Variants in SGMS1 observed in about 807,000 individuals in gnomAD.
SGMS1 encodes phosphatidylcholine:ceramide cholinephosphotransferase 1.
SGMS1 carries 13 observed loss-of-function variants against 46.2 expected under a neutral mutation model. That is an observed-to-expected ratio of 0.28 (90% CI 0.18 to 0.45). The LOEUF (loss-of-function observed/expected upper bound fraction) is 0.45. Ranked by LOEUF, SGMS1 falls within the 20% of genes least tolerant of loss-of-function variation. SGMS1 has a pLI of 1.00. For missense variants in SGMS1, 324 were observed against 519.9 expected (o/e 0.62, Z 3.66); for synonymous variants, 203 against 187.8 (o/e 1.08, Z -0.66).
chr10:50,622,645 T>C (rs1362674000), intron 1 of SGMS1, among the ~76,000 whole-genome samples: 1 of 152,246 alleles, frequency 6.6e-6, no homozygotes. Flanking sequence ...CGTAAGCGTG[T>C]ACCGCTGAAG....
chr10:50,559,947 G>A (rs1447850766), intron 2 of SGMS1, among the ~76,000 whole-genome samples: 1 of 151,850 alleles, frequency 6.6e-6, no homozygotes, highest in African/African-American at 2.4e-5. Context: ...AGGAAATAAA[G>A]CAAGTATAAG....
intron 2 of SGMS1, among the ~76,000 whole-genome samples, chr10:50,538,836 G>C (rs1838027282): frequency 6.6e-6 from 1 of 152,168 alleles, no homozygotes; most frequent in African/African-American, 2.4e-5. Flanking sequence ...AGCAAGTTTT[G>C]ATAAGAACAG....
intron 4 of SGMS1, among the ~76,000 whole-genome samples, chr10:50,465,751 A>G (rs936066829): frequency 1.3e-5 from 2 of 152,178 alleles, no homozygotes; most frequent in Admixed American, 6.5e-5. Flanking sequence ...GAGAGACATC[A>G]GTTTCCAAGC....
chr10:50,592,730 A>G (rs1277600718), intron 1 of SGMS1, among the ~76,000 whole-genome samples: 1 of 152,170 alleles, frequency 6.6e-6, no homozygotes, highest in African/African-American at 2.4e-5. Flanking sequence ...TACATCACTG[A>G]CATTTCTTTA....
intron 4 of SGMS1, among the ~76,000 whole-genome samples, chr10:50,461,103 T>C (rs1476589145): frequency 6.6e-6 from 1 of 152,216 alleles, no homozygotes; most frequent in Non-Finnish European, 1.5e-5. Flanking sequence ...GGCCTATAAC[T>C]ATAAAAGGTG....
At chr10:50,619,045 G>GC (rs1838823620) in intron 1 of SGMS1, among the ~76,000 whole-genome samples, 1 of 152,018 alleles carries the variant, frequency 6.6e-6, no homozygotes, top group Admixed American at 6.6e-5. Flanking sequence ...AGGTAGGAGA[G>GC]TCTCTTGAGC....
At chr10:50,480,647 C>T (rs1372942792) in intron 3 of SGMS1, among the ~76,000 whole-genome samples, 1 of 152,022 alleles carries the variant, frequency 6.6e-6, no homozygotes, top group Non-Finnish European at 1.5e-5. Context: ...TGGAGATACC[C>T]TCGTGAGCCC....
intron 2 of SGMS1, among the ~76,000 whole-genome samples, chr10:50,565,173 G>A (rs1017504562): frequency 1.3e-5 from 2 of 152,134 alleles, no homozygotes; most frequent in African/African-American, 4.8e-5. Flanking sequence ...TCTCTCTAGA[G>A]TGAGTTTTGA....
chr10:50,608,781 A>G (rs1384963113), intron 1 of SGMS1, among the ~76,000 whole-genome samples: 1 of 152,132 alleles, frequency 6.6e-6, no homozygotes, highest in African/African-American at 2.4e-5. Flanking sequence ...TATGAATACA[A>G]TCACCCCTCA....
intron 5 of SGMS1, among the ~76,000 whole-genome samples, chr10:50,436,112 C>CT (rs904464496): frequency 5.3e-5 from 8 of 149,950 alleles, no homozygotes; most frequent in African/African-American, 1.7e-4. Context: ...CAACAACCAA[C>CT]TTTTTTTTTT....
At chr10:50,513,717 C>T (rs1039634700) in intron 3 of SGMS1, among the ~76,000 whole-genome samples, 9 of 152,108 alleles carry the variant, frequency 5.9e-5, no homozygotes, top group Admixed American at 5.9e-4. Flanking sequence ...ATATTAAGCT[C>T]AAAATTAAGC....
At chr10:50,463,177 A>G (rs1424774389) in intron 4 of SGMS1, among the ~76,000 whole-genome samples, 1 of 152,216 alleles carries the variant, frequency 6.6e-6, no homozygotes, top group Non-Finnish European at 1.5e-5. Context: ...GAAACACAAA[A>G]TAAGCAAATG....
chr10:50,478,214 G>C (rs1225121220), intron 3 of SGMS1, among the ~76,000 whole-genome samples: 2 of 151,818 alleles, frequency 1.3e-5, no homozygotes, highest in Admixed American at 1.3e-4. Context: ...TAAAAACATA[G>C]CTAAAAACAC....
At chr10:50,472,474 T>G (rs1168900051) in intron 3 of SGMS1, among the ~76,000 whole-genome samples, 2 of 151,970 alleles carry the variant, frequency 1.3e-5, no homozygotes, top group Non-Finnish European at 2.9e-5. Flanking sequence ...TCATCCATGT[T>G]GTTGCAAATG....
intron 7 of SGMS1, among the ~76,000 whole-genome samples, chr10:50,334,043 C>T (rs1220327367): frequency 6.6e-6 from 1 of 152,122 alleles, no homozygotes; most frequent in East Asian, 1.9e-4. Flanking sequence ...CACAACAAAA[C>T]CCAGGTCTTT....
chr10:50,518,512 C>T (rs1167503311), intron 3 of SGMS1, among the ~76,000 whole-genome samples: 1 of 152,116 alleles, frequency 6.6e-6, no homozygotes, highest in Non-Finnish European at 1.5e-5. Flanking sequence ...TTGCAACCTC[C>T]GCCTCCTGGG....
In SGMS1 at chr10:50,330,271, T is replaced by A. The variant is rs534776142; in HGVS notation, c.624-2949A>T. On this transcript the variant is annotated intron_variant, in intron 7 of 10. Transcript: ENST00000361781. ...GAGTTCAAGATCAGCCTGGACAACA[T>A]AGCGCAACCCTGTCTCTACTAAAAA... Among the ~76,000 whole-genome samples the A allele has an allele frequency of 2.6e-5, 4 of 151,632 alleles. No individual in the cohort carries two copies. In the South Asian group the frequency reaches 8.4e-4, roughly 32 times the overall value.
intron 2 of SGMS1, among the ~76,000 whole-genome samples, chr10:50,552,761 G>C (rs1444532532): frequency 6.6e-6 from 1 of 152,198 alleles, no homozygotes; most frequent in African/African-American, 2.4e-5. Context: ...GACTTTACAG[G>C]TGTGATTAGG....
intron 5 of SGMS1, among the ~76,000 whole-genome samples, chr10:50,442,264 T>C (rs189557767): frequency 1.3e-5 from 2 of 152,046 alleles, no homozygotes; most frequent in Non-Finnish European, 2.9e-5. Context: ...TGGGGGTTTG[T>C]TGCATAGATT....
Sources: allele counts gnomAD v4.1 joint callset (sites outside exome capture counted in the v4.1 genomes callset), GRCh38; gene constraint gnomAD v4.1.1; transcripts MANE v1.5; gene names NCBI Gene and HGNC (gene_info 2026-07-23, HGNC 2026-07-21).